Variants in SENP7 observed in about 807,000 individuals in gnomAD.
SENP7 encodes SUMO specific peptidase 7.
In SENP7, 64 loss-of-function variants were observed where a neutral mutation model predicts 141.2. The ratio of observed to expected loss-of-function variants is 0.45; its 90% confidence interval spans 0.37 to 0.56. The LOEUF is 0.56. Among genes scored for constraint, SENP7 ranks in the 20% least tolerant of loss-of-function variants. The pLI is 0.00. For missense variants in SENP7, 1,025 were observed against 1,212.2 expected, an observed-to-expected ratio of 0.85 and a Z score of 2.29; for synonymous variants, 382 against 426.4, an observed-to-expected ratio of 0.90 and a Z score of 1.28.
chr3:101,459,582 A>G (rs112968213), intron 3 of SENP7, among the ~76,000 whole-genome samples: 2,084 of 152,296 alleles, frequency 0.014, 48 homozygotes, highest in African/African-American at 0.047. Flanking sequence ...TATATTCTCT[A>G]TGCCTTAGTT....
At position 101,458,904 on chromosome 3, in the gene SENP7, G is replaced by T. The variant is rs775429393; in HGVS notation, c.284+51C>A. The T allele has an allele frequency of 5.5e-6, 6 of 1,085,074 alleles. No individual in the cohort carries two copies. In the Admixed American group the frequency reaches 1.3e-4, roughly 24 times the overall value. The allele number at this position is 1,085,074 out of a possible 1,614,324, so 67.2% of individuals were successfully genotyped here. On this transcript the variant is annotated intron_variant, in intron 4 of 23. Coordinates refer to ENST00000394095, the MANE Select transcript of SENP7 (RefSeq NM_020654.5). ...AACAAGCTTAAATGAATCATTTATG[G>T]TCAACTTTATAGGTTAAGCCCATAC...
At chr3:101,455,762 C>T (rs759977609) in intron 4 of SENP7, among the ~76,000 whole-genome samples, 20 of 152,160 alleles carry the variant, frequency 1.3e-4, no homozygotes, top group Non-Finnish European at 2.5e-4. Context: ...AACCAAGTCA[C>T]TTCCTAATTC....
intron 5 of SENP7, among the ~76,000 whole-genome samples, chr3:101,410,555 C>T (rs1425314299): frequency 6.6e-6 from 1 of 152,088 alleles, no homozygotes; most frequent in Non-Finnish European, 1.5e-5. Flanking sequence ...GATAAAGAAA[C>T]CATGGTATAG....
chr3:101,364,614 T>A (rs981084046), intron 10 of SENP7, among the ~76,000 whole-genome samples: 1 of 152,188 alleles, frequency 6.6e-6, no homozygotes, highest in African/African-American at 2.4e-5. Context: ...CTATTCAGAC[T>A]GAAAAATATA....
intron 6 of SENP7, among the ~76,000 whole-genome samples, chr3:101,374,702 G>A (rs907803946): frequency 1.5e-4 from 22 of 151,366 alleles, no homozygotes; most frequent in African/African-American, 5.1e-4. Flanking sequence ...CTTGATCCCA[G>A]GAGTTCAAGG....
chr3:101,384,232 C>T (rs1559750188), intron 6 of SENP7, among the ~76,000 whole-genome samples: 3 of 152,258 alleles, frequency 2.0e-5, no homozygotes, highest in Non-Finnish European at 4.4e-5. Flanking sequence ...TGTCCACATA[C>T]CTAATTCTTC....
intron 6 of SENP7, among the ~76,000 whole-genome samples, chr3:101,389,791 T>C (rs1296717817): frequency 6.6e-6 from 1 of 151,282 alleles, no homozygotes; most frequent in African/African-American, 2.4e-5. Context: ...ACCACCAAAC[T>C]GAAGTGATAA....
Position 101,328,511 on chromosome 3 carries a change from G to T in SENP7, c.2831C>A (p.Ala944Asp). 6.2e-7 allele frequency: 1 copy of T among 1,612,586 alleles called. No homozygotes were observed. The highest frequency in any genetic ancestry group is 8.5e-7 in the Non-Finnish European group (1 of 1,179,092). ...ATTCTGAACTGTGTTTTGTACAGAA[G>T]CAGCTTTCAAGGAGTCTAGTATAAG... ...CILILDSLKA[A>D]SVQNTVQNLR... The change falls in exon 22 of 24, where the codon GCT (alanine) becomes GAT (aspartate). Residue 944 changes from alanine (A) to aspartate (D), a missense_variant. By Grantham distance (126) the Ala-to-Asp change is moderately radical. This residue lies in a region of SENP7 where 295 missense variants were observed against 459.1 expected (regional missense o/e 0.64). Transcript: ENST00000394095.
At chr3:101,417,236 A>T (rs2061649884) in intron 5 of SENP7, among the ~76,000 whole-genome samples, 1 of 152,168 alleles carries the variant, frequency 6.6e-6, no homozygotes, top group Non-Finnish European at 1.5e-5. Context: ...GCACATATAT[A>T]CACACACATT....
At chr3:101,446,141 T>C (rs568175896) in intron 4 of SENP7, among the ~76,000 whole-genome samples, 1 of 152,276 alleles carries the variant, frequency 6.6e-6, no homozygotes, top group South Asian at 2.1e-4. Flanking sequence ...GCCTCTCCCT[T>C]CGTTCTCTCT....
intron 10 of SENP7, chr3:101,363,244 T>A (rs751350294): frequency 5.7e-6 from 2 of 348,162 alleles, no homozygotes; most frequent in Non-Finnish European, 8.1e-6. Flanking sequence ...ATCAGGTAGC[T>A]CCAACATCAG....
chr3:101,452,747 A>G (rs2063191571), intron 4 of SENP7, among the ~76,000 whole-genome samples: 1 of 152,250 alleles, frequency 6.6e-6, no homozygotes, highest in African/African-American at 2.4e-5. Context: ...TGTTAGACCT[A>G]AAACCATAAA....
intron 1 of SENP7, among the ~76,000 whole-genome samples, chr3:101,504,631 C>T (rs1377705488): frequency 2.0e-5 from 3 of 152,106 alleles, no homozygotes; most frequent in Non-Finnish European, 4.4e-5. Flanking sequence ...TTTAACAAAA[C>T]ACATATCTAC....
At chr3:101,327,109 T>C (rs1576788453) in intron 23 of SENP7, among the ~76,000 whole-genome samples, 1 of 152,268 alleles carries the variant, frequency 6.6e-6, no homozygotes, top group East Asian at 1.9e-4. Context: ...ATTAATCAAA[T>C]CATTTTAAAG....
At chr3:101,398,813 CATAAAA>C (rs1363403743) in intron 6 of SENP7, 42 bp downstream of exon 6, 3 of 1,288,390 alleles carry the variant, frequency 2.3e-6, no homozygotes, top group Non-Finnish European at 2.1e-6. Flanking sequence ...GGGAAGGATA[CATAAAA>C]ATAAATATAA....
intron 3 of SENP7, among the ~76,000 whole-genome samples, chr3:101,463,416 T>TATAC (rs1175438899): frequency 1.1e-4 from 13 of 116,470 alleles, no homozygotes; most frequent in African/African-American, 2.1e-4. Context: ...TATATATATA[T>TATAC]ACACACACAT....
chr3:101,504,119 A>G (rs759560696), intron 1 of SENP7, among the ~76,000 whole-genome samples: 5 of 152,110 alleles, frequency 3.3e-5, no homozygotes, highest in Admixed American at 6.6e-5. Context: ...CACTACATGC[A>G]CTTGCTGAGA....
chr3:101,475,479 C>A (rs2064178376), intron 3 of SENP7, among the ~76,000 whole-genome samples: 1 of 152,200 alleles, frequency 6.6e-6, no homozygotes, highest in Admixed American at 6.5e-5. Flanking sequence ...CACATGTCCT[C>A]ACTCATAAGT....
intron 1 of SENP7, among the ~76,000 whole-genome samples, chr3:101,502,938 G>A (rs1395858410): frequency 5.4e-4 from 76 of 141,298 alleles, no homozygotes; most frequent in Middle Eastern, 3.8e-3. Context: ...AAAAAAAAAA[G>A]AACTTCTGTT....
Sources: gnomAD v4.1 joint callset for allele counts (sites outside exome capture counted in the v4.1 genomes callset) on GRCh38, gnomAD v4.1.1 for gene constraint, gnomAD v4.1.1 regional missense constraint, MANE v1.5 for transcripts, NCBI Gene and HGNC (gene_info 2026-07-23, HGNC 2026-07-21) for gene names.